MS4A18: variants seen among roughly 807,000 people sequenced by gnomAD.
MS4A18 encodes membrane spanning 4-domains A18, also known as membrane-spanning 4-domains subfamily A member 18.
In MS4A18, 27 loss-of-function variants were observed where a neutral mutation model predicts 13.1. The ratio of observed to expected loss-of-function variants is 2.06; its 90% confidence interval spans 1.52 to 2.84. The LOEUF (loss-of-function observed/expected upper bound fraction) is 2.84, where lower values mean the gene tolerates loss of function less well. MS4A18 is among the 30% of genes most tolerant of loss of function. MS4A18 has a pLI of 0.00. For missense variants in MS4A18, 307 were observed against 196.4 expected (o/e 1.56, Z -3.37); for synonymous variants, 126 against 76.5 (o/e 1.65, Z -3.38).
chr11:60,726,943 G>A (rs140888052), upstream of MS4A18, among the ~76,000 whole-genome samples: 822 of 151,098 alleles, frequency 5.4e-3, 7 homozygotes, highest in African/African-American at 0.018. Context: ...CCAACCCTCC[G>A]ACAGGCCCCA....
At chr11:60,726,001 A>T (rs1853154030), upstream of MS4A18, among the ~76,000 whole-genome samples, 3 of 152,244 alleles carry the variant, frequency 2.0e-5, no homozygotes, top group Admixed American at 2.0e-4. Flanking sequence ...CTGCCTGCAC[A>T]GCCTCCATTC....
intron 4 of MS4A18, among the ~76,000 whole-genome samples, chr11:60,739,748 CT>C (rs1336726897): frequency 6.6e-6 from 1 of 152,200 alleles, no homozygotes; most frequent in Non-Finnish European, 1.5e-5. Context: ...AAAGGAAGCC[CT>C]CAAGTGAAGC....
chr11:60,739,250 C>T (rs1001179971), intron 4 of MS4A18, among the ~76,000 whole-genome samples: 1 of 152,096 alleles, frequency 6.6e-6, no homozygotes, highest in African/African-American at 2.4e-5. Context: ...ATCCTTTTCT[C>T]TACTTGGAGG....
At chr11:60,744,970 C>A (rs1009305691), downstream of MS4A18, among the ~76,000 whole-genome samples, 2 of 152,232 alleles carry the variant, frequency 1.3e-5, no homozygotes. Context: ...CCATATGACT[C>A]AGCAATCTTG....
intron 1 of MS4A18, among the ~76,000 whole-genome samples, chr11:60,732,746 A>AG (rs1348800030): frequency 6.6e-6 from 1 of 151,078 alleles, no homozygotes; most frequent in African/African-American, 2.4e-5. Flanking sequence ...AAAAAAAAAA[A>AG]AAAAAAGAAA....
At position 60,733,581 on chromosome 11, in the gene MS4A18, C is replaced by T. The variant is rs1211037579; in HGVS notation, c.525C>T (p.Asn175=). The T allele has an allele frequency of 5.7e-6, 4 of 703,538 alleles. No homozygotes were observed. In the Admixed American group the frequency reaches 6.0e-5, roughly 11 times the overall value. 43.6% of individuals were successfully genotyped at this position (703,538 alleles called of 1,614,324 possible). A position where few individuals can be genotyped will look rare whatever the true frequency, so the allele number is the denominator to read the frequency against. ...TGACGCACATTTTCTCTGCAATTAA[C>T]CCTGTGCTGTATTACTATCCTTTTG... Residue 175 remains asparagine (N), a synonymous_variant, in exon 2 of 6, where the codon AAC becomes AAT. Transcript: ENST00000529108.
At chr11:60,739,678 C>T (rs1853388435) in intron 4 of MS4A18, among the ~76,000 whole-genome samples, 1 of 152,212 alleles carries the variant, frequency 6.6e-6, no homozygotes, top group Admixed American at 6.5e-5. Context: ...TCCTGAGGGG[C>T]ATCAATTCCC....
chr11:60,731,993 G>A (rs953063308), intron 1 of MS4A18, among the ~76,000 whole-genome samples: 1 of 152,006 alleles, frequency 6.6e-6, no homozygotes, highest in Non-Finnish European at 1.5e-5. Context: ...CAAGCATGTC[G>A]CCTTAGGAAG....
chr11:60,735,997 C>T (rs1417796924), intron 2 of MS4A18, among the ~76,000 whole-genome samples: 1 of 152,092 alleles, frequency 6.6e-6, no homozygotes, highest in Non-Finnish European at 1.5e-5. Flanking sequence ...TCATATTTAC[C>T]TATATGCCTA....
At chr11:60,740,166 C>T (rs917037506) in intron 4 of MS4A18, among the ~76,000 whole-genome samples, 2 of 152,204 alleles carry the variant, frequency 1.3e-5, no homozygotes, top group African/African-American at 2.4e-5. Context: ...GGTCATTTGG[C>T]AATCAGGACC....
upstream of MS4A18, among the ~76,000 whole-genome samples, chr11:60,728,630 CGTGT>C (rs977820830): frequency 1.3e-5 from 2 of 151,260 alleles, no homozygotes; most frequent in Admixed American, 1.3e-4. Flanking sequence ...TCTTTCTCTG[CGTGT>C]GTGTCTGTCT....
chr11:60,729,519 C>G, exon 1 of MS4A18: 1 of 702,810 alleles, frequency 1.4e-6, no homozygotes, highest in East Asian at 2.7e-5. Context: ...TGAACCAGAA[C>G]TCAGCAGCAG....
At chr11:60,730,041 C>G (rs1164711734) in intron 1 of MS4A18, among the ~76,000 whole-genome samples, 1 of 152,128 alleles carries the variant, frequency 6.6e-6, no homozygotes, top group African/African-American at 2.4e-5. Flanking sequence ...CCACCTTACC[C>G]AGCTATCTAT....
exon 1 of MS4A18, chr11:60,729,731 C>T (rs920705917): frequency 1.4e-6 from 1 of 702,696 alleles, no homozygotes; most frequent in Non-Finnish European, 2.6e-6. Flanking sequence ...TCATTTGCAT[C>T]ATTTACTTCA....
chr11:60,729,393 C>A, exon 1 of MS4A18: 1 of 702,832 alleles, frequency 1.4e-6, no homozygotes, highest in Non-Finnish European at 2.6e-6. Context: ...TCCAGCCCAG[C>A]AACCCTGTGG....
exon 6 of MS4A18, chr11:60,743,861 A>G (rs1565062809): frequency 1.4e-6 from 1 of 702,950 alleles, no homozygotes; most frequent in Non-Finnish European, 2.6e-6. Context: ...GGTCCTGTCA[A>G]TGCTAACATT....
upstream of MS4A18, among the ~76,000 whole-genome samples, chr11:60,727,580 G>A (rs1488540630): frequency 6.6e-6 from 1 of 152,090 alleles, no homozygotes; most frequent in African/African-American, 2.4e-5. Context: ...TGGGACAGGG[G>A]GATCAATTTA....
downstream of MS4A18, chr11:60,744,355 G>A (rs1249761096): frequency 3.3e-5 from 9 of 271,068 alleles, no homozygotes; most frequent in East Asian, 9.3e-5. Flanking sequence ...TTCCCAGTCC[G>A]CAGCTCTAAC....
chr11:60,736,646 G>A (rs1242217203), intron 2 of MS4A18, among the ~76,000 whole-genome samples: 1 of 152,134 alleles, frequency 6.6e-6, no homozygotes, highest in African/African-American at 2.4e-5. Context: ...GCATTTTGGC[G>A]ATGATATGTC....
Sources: gnomAD v4.1 joint callset for allele counts (sites outside exome capture counted in the v4.1 genomes callset) on GRCh38, gnomAD v4.1.1 for gene constraint, MANE v1.5 for transcripts, NCBI Gene and HGNC (gene_info 2026-07-23, HGNC 2026-07-21) for gene names.